Variants in CDK8 observed in about 807,000 individuals in gnomAD.
CDK8 encodes the protein cyclin-dependent kinase 8.
In CDK8, 29 loss-of-function variants were observed where a neutral mutation model predicts 71.5. The observed-to-expected ratio is 0.41, with a 90% CI of 0.30 to 0.55. The LOEUF (loss-of-function observed/expected upper bound fraction) is 0.55, where lower values mean the gene tolerates loss of function less well. CDK8 is among the 20% of genes least tolerant of loss of function. The pLI is 0.37. For missense variants in CDK8, 288 were observed against 572.6 expected (o/e 0.50, Z 5.07); for synonymous variants, 161 against 192.1 (o/e 0.84, Z 1.34).
chr13:26,346,714 A>G (rs1873474816), intron 2 of CDK8, among the ~76,000 whole-genome samples: 1 of 152,220 alleles, frequency 6.6e-6, no homozygotes, highest in African/African-American at 2.4e-5. Context: ...TATAATTGCT[A>G]AAGTCTTATA....
rs757268110 is a variant in CDK8 at position 26,382,912 on chromosome 13, T to A, written c.514+41T>A. 35 of 1,395,252 alleles carry A rather than the reference T, an allele frequency of 2.5e-5. No homozygotes were observed. In the East Asian group the frequency reaches 6.0e-4, roughly 24 times the overall value. 86.4% of individuals were successfully genotyped at this position (1,395,252 alleles called of 1,614,324 possible). A position where few individuals can be genotyped will look rare whatever the true frequency, so the allele number is the denominator to read the frequency against. Reference sequence around the variant, plus strand: ...GCTAAGTCACAGTGTAGCACTTTTTTAAAACTTTTGCAGGCAGCTATATCA... The same window carrying A: ...GCTAAGTCACAGTGTAGCACTTTTTAAAAACTTTTGCAGGCAGCTATATCA... On this transcript the variant is annotated intron_variant, in intron 5 of 12. Coordinates refer to ENST00000381527, the MANE Select transcript of CDK8 (RefSeq NM_001260.3).
chr13:26,349,711 T>A (rs1270803113), intron 3 of CDK8, among the ~76,000 whole-genome samples: 1 of 152,204 alleles, frequency 6.6e-6, no homozygotes, highest in Non-Finnish European at 1.5e-5. Context: ...TTGCCTTTTT[T>A]AACAACGTTT....
At chr13:26,311,163 C>T (rs1187428376) in intron 1 of CDK8, among the ~76,000 whole-genome samples, 2 of 151,498 alleles carry the variant, frequency 1.3e-5, no homozygotes, top group Non-Finnish European at 2.9e-5. Context: ...AATGGACTCA[C>T]TGTATATTTT....
chr13:26,390,549 GAAAAGGCTAAA>G (rs1294170308), intron 6 of CDK8, among the ~76,000 whole-genome samples: 2 of 152,064 alleles, frequency 1.3e-5, no homozygotes, highest in Non-Finnish European at 1.5e-5. Context: ...TTACTTTGGG[GAAAAGGCTAAA>G]AAAAGGGATA....
intron 4 of CDK8, 140 bp downstream of exon 4, chr13:26,354,020 G>A (rs1456074823): frequency 1.5e-6 from 1 of 682,534 alleles, no homozygotes; most frequent in Admixed American, 2.9e-5. Flanking sequence ...TCAAAACATG[G>A]CCTAGTAGTG....
At chr13:26,392,397 G>A (rs1255161725) in intron 6 of CDK8, among the ~76,000 whole-genome samples, 2 of 145,798 alleles carry the variant, frequency 1.4e-5, no homozygotes, top group African/African-American at 2.6e-5. Context: ...GCGCGATCTC[G>A]GCTCACTGCA....
At chr13:26,277,716 G>T (rs1872606435) in intron 1 of CDK8, among the ~76,000 whole-genome samples, 1 of 152,132 alleles carries the variant, frequency 6.6e-6, no homozygotes, top group South Asian at 2.1e-4. Flanking sequence ...TACCCCCAGT[G>T]TTGAAATAAG....
At chr13:26,296,981 A>G (rs1030221415) in intron 1 of CDK8, among the ~76,000 whole-genome samples, 1 of 152,220 alleles carries the variant, frequency 6.6e-6, no homozygotes, top group African/African-American at 2.4e-5. Flanking sequence ...ACCAAGGACT[A>G]GGACCTCTAG....
At chr13:26,273,830 C>A (rs1872445352) in intron 1 of CDK8, among the ~76,000 whole-genome samples, 1 of 151,840 alleles carries the variant, frequency 6.6e-6, no homozygotes, top group Non-Finnish European at 1.5e-5. Flanking sequence ...GTAGAAAATA[C>A]AAGTAAAGTC....
chr13:26,389,826 C>T (rs779316649), intron 6 of CDK8, among the ~76,000 whole-genome samples: 26 of 151,822 alleles, frequency 1.7e-4, no homozygotes, highest in Non-Finnish European at 2.9e-4. Context: ...GGTGAAACTC[C>T]GTCTCTACTA....
chr13:26,362,173 CA>C (rs1874172666), intron 4 of CDK8, among the ~76,000 whole-genome samples: 1 of 151,638 alleles, frequency 6.6e-6, no homozygotes, highest in East Asian at 1.9e-4. Context: ...TCCAGAGAAA[CA>C]GAGTCAATAG....
At chr13:26,301,373 A>T (rs1873818413) in intron 1 of CDK8, among the ~76,000 whole-genome samples, 1 of 152,240 alleles carries the variant, frequency 6.6e-6, no homozygotes, top group Non-Finnish European at 1.5e-5. Context: ...GGAAAGGGCC[A>T]TTAGGCAAAA....
chr13:26,343,736 CAT>C (rs1397239362), intron 2 of CDK8, among the ~76,000 whole-genome samples: 9 of 152,256 alleles, frequency 5.9e-5, no homozygotes, highest in Admixed American at 4.6e-4. Flanking sequence ...GTTTATAAAA[CAT>C]ATTTTACTTT....
intron 2 of CDK8, among the ~76,000 whole-genome samples, chr13:26,339,836 T>C (rs371044866): frequency 6.7e-6 from 1 of 149,732 alleles, no homozygotes; most frequent in East Asian, 1.9e-4. Flanking sequence ...TTGCTTGGGA[T>C]TTTTTCTACA....
intron 1 of CDK8, among the ~76,000 whole-genome samples, chr13:26,285,725 T>C (rs185971708): frequency 1.2e-3 from 177 of 152,280 alleles, no homozygotes; most frequent in African/African-American, 4.0e-3. Flanking sequence ...AATGATATGA[T>C]CATATACCTA....
At position 26,401,608 on chromosome 13, in the gene CDK8, T is replaced by A; in HGVS notation, c.1253T>A (p.Met418Lys). Residue 418 changes from methionine to lysine, a missense_variant, in exon 12 of 13, where the codon ATG becomes AAG. Transcript: ENST00000381527. The surrounding 1 kb of genome is among the most constrained non-coding windows in gnomAD (Gnocchi z 4.5). ...PPTTTSGGLIMTSDYQRSNPH... is the reference protein window; with the variant it reads ...PPTTTSGGLIKTSDYQRSNPH... ...ACCACTACCTCAGGTGGACTTATCA[T>A]GACCTCAGACTATCAGGTATTCCAA... 1 of 1,614,184 alleles carries A rather than the reference T, an allele frequency of 6.2e-7. No homozygotes were observed. Among genetic ancestry groups the A allele is most frequent in the East Asian group, 2.2e-5 (1 of 44,888 alleles).
At chr13:26,365,802 TCTGC>T (rs1440561015) in intron 4 of CDK8, among the ~76,000 whole-genome samples, 1 of 152,106 alleles carries the variant, frequency 6.6e-6, no homozygotes, top group African/African-American at 2.4e-5. Context: ...TTTTCATATC[TCTGC>T]CTGCGTCTTA....
chr13:26,386,603 T>C (rs1875488683), intron 6 of CDK8, among the ~76,000 whole-genome samples: 1 of 152,206 alleles, frequency 6.6e-6, no homozygotes. Flanking sequence ...TCATTTCTTA[T>C]TTTGCTACAG....
At chr13:26,402,543 A>G (rs1363465751) in intron 12 of CDK8, among the ~76,000 whole-genome samples, 1 of 152,254 alleles carries the variant, frequency 6.6e-6, no homozygotes, top group Non-Finnish European at 1.5e-5. Context: ...TACTTTCAGA[A>G]TTAGGTATTA....
Sources: allele counts gnomAD v4.1 joint callset (sites outside exome capture counted in the v4.1 genomes callset), GRCh38; gene constraint gnomAD v4.1.1; non-coding constraint Gnocchi (gnomAD v3.1); transcripts MANE v1.5; gene names NCBI Gene and HGNC (gene_info 2026-07-23, HGNC 2026-07-21).